Variants in NIPA1 observed in about 807,000 individuals in gnomAD.
NIPA1 encodes magnesium transporter NIPA1.
A neutral mutation model predicts 23.9 loss-of-function variants in NIPA1; 13 were observed. That is an observed-to-expected ratio of 0.54 (90% CI 0.35 to 0.87). NIPA1 has a LOEUF of 0.87. NIPA1 is among the 40% of genes least tolerant of loss of function. The pLI is 0.01. For synonymous variants in NIPA1, 234 were observed against 202.9 expected (o/e 1.15, Z -1.30); for missense variants, 362 against 429.7 (o/e 0.84, Z 1.39).
intron 1 of NIPA1, among the ~76,000 whole-genome samples, chr15:22,793,648 C>T (rs775710376): frequency 2.0e-5 from 3 of 151,964 alleles, no homozygotes; most frequent in Non-Finnish European, 4.4e-5. Flanking sequence ...ACCATGTTGG[C>T]CAGCCTGGTC....
At chr15:22,817,560 T>C (rs2140873049) in intron 3 of NIPA1, among the ~76,000 whole-genome samples, 1 of 151,060 alleles carries the variant, frequency 6.6e-6, no homozygotes, top group Non-Finnish European at 1.5e-5. Flanking sequence ...CCCAGCACTT[T>C]GGGAGGCTGA....
At chr15:22,798,038 G>T (rs1050698840) in intron 1 of NIPA1, among the ~76,000 whole-genome samples, 2 of 150,586 alleles carry the variant, frequency 1.3e-5, no homozygotes, top group Non-Finnish European at 3.0e-5. Context: ...TAGTAGAGAC[G>T]GGGTTTCACC....
intron 1 of NIPA1, among the ~76,000 whole-genome samples, chr15:22,795,449 A>T (rs959693030): frequency 6.6e-6 from 1 of 152,104 alleles, no homozygotes; most frequent in Non-Finnish European, 1.5e-5. Flanking sequence ...CTGGGCAGCC[A>T]TGCAGATGGC....
intron 1 of NIPA1, among the ~76,000 whole-genome samples, chr15:22,802,704 C>A (rs1197532318): frequency 6.6e-6 from 1 of 152,104 alleles, no homozygotes; most frequent in Non-Finnish European, 1.5e-5. Flanking sequence ...TTCCCTGGTG[C>A]CTCATCCCCC....
At chr15:22,818,932 A>G (rs1263311765) in intron 3 of NIPA1, among the ~76,000 whole-genome samples, 1 of 151,944 alleles carries the variant, frequency 6.6e-6, no homozygotes, top group Non-Finnish European at 1.5e-5. Flanking sequence ...GGCATAGTCC[A>G]CCCGTTGTCC....
intron 1 of NIPA1, among the ~76,000 whole-genome samples, chr15:22,802,906 T>C (rs2140858924): frequency 6.6e-6 from 1 of 152,292 alleles, no homozygotes; most frequent in African/African-American, 2.4e-5. Flanking sequence ...TAGTGTTGTG[T>C]TGTTTGAGTA....
rs116927303 is a variant in NIPA1 at position 22,808,606 on chromosome 15, C to T, written c.179-2143C>T. On this transcript the variant is annotated intron_variant, in intron 1 of 4. Coordinates refer to ENST00000337435, the MANE Select transcript of NIPA1 (RefSeq NM_144599.5). ...GGAGGTGACTCAGTAAATTTTCATT[C>T]GCTTGTTTTAGTATCCGTTAATGAT... Among the ~76,000 whole-genome samples, 1,458 of 151,856 alleles carry T rather than the reference C, an allele frequency of 9.6e-3. 24 individuals are homozygous for T. The highest frequency in any genetic ancestry group is 0.061 in the East Asian group (318 of 5,172).
At position 22,823,774 on chromosome 15, in the gene NIPA1, C is replaced by G. The variant is rs769522060; in HGVS notation, c.525C>G (p.Leu175=). ...TCGTGCTGCTCATGCTGCTGCTGCTCATCTTCTGGATCGCGCCGGCCCATG... is the reference window on the plus strand; with the variant it reads ...TCGTGCTGCTCATGCTGCTGCTGCTGATCTTCTGGATCGCGCCGGCCCATG... The part of the protein sequence containing the change: ...LCIVLLMLLL[L]IFWIAPAHGP... The change falls in exon 5 of 5, where the codon CTC becomes CTG. Residue 175 remains leucine, a synonymous_variant. Coordinates refer to ENST00000337435, the MANE Select transcript of NIPA1 (RefSeq NM_144599.5). 18 of 1,613,200 alleles carry G rather than the reference C, an allele frequency of 1.1e-5. No individual in the cohort carries two copies. The South Asian group carries it at 2.0e-4, about 18-fold the overall frequency.
upstream of NIPA1, chr15:22,786,574 C>T: frequency 2.5e-6 from 1 of 393,062 alleles, no homozygotes. Context: ...TCCCCTCCCC[C>T]GCCCGCGCCT....
intron 1 of NIPA1, among the ~76,000 whole-genome samples, chr15:22,789,786 T>A (rs549632629): frequency 6.6e-6 from 1 of 152,114 alleles, no homozygotes; most frequent in South Asian, 2.1e-4. Context: ...AGGCAAGGTT[T>A]AGAGCAGGAA....
intron 1 of NIPA1, among the ~76,000 whole-genome samples, chr15:22,792,637 G>C (rs561734309): frequency 6.6e-6 from 1 of 152,218 alleles, no homozygotes; most frequent in East Asian, 1.9e-4. Flanking sequence ...GGCTCCCACT[G>C]TGCCCAGCTT....
chr15:22,792,930 G>A (rs1277597103), intron 1 of NIPA1, among the ~76,000 whole-genome samples: 7 of 151,916 alleles, frequency 4.6e-5, no homozygotes, highest in African/African-American at 1.2e-4. Context: ...CTCCAGCCTC[G>A]GCAACAAGAG....
At chr15:22,799,792 A>AG (rs1026259774) in intron 1 of NIPA1, among the ~76,000 whole-genome samples, 1 of 136,300 alleles carries the variant, frequency 7.3e-6, no homozygotes, top group Admixed American at 8.1e-5. Context: ...AAAAAAAAAA[A>AG]AAAATTAGGC....
intron 1 of NIPA1, among the ~76,000 whole-genome samples, chr15:22,809,744 G>GAAAA (rs34782532): frequency 1.1e-4 from 15 of 136,120 alleles, no homozygotes; most frequent in South Asian, 2.4e-4. Context: ...GACTCTGTCT[G>GAAAA]AAAAAAAAAA....
chr15:22,809,958 G>A (rs548764007), intron 1 of NIPA1, among the ~76,000 whole-genome samples: 5 of 152,136 alleles, frequency 3.3e-5, no homozygotes, highest in South Asian at 4.2e-4. Flanking sequence ...CAGGAGAATC[G>A]CTTGAACCTG....
intron 1 of NIPA1, among the ~76,000 whole-genome samples, chr15:22,802,937 C>T (rs906121867): frequency 3.3e-5 from 5 of 151,958 alleles, no homozygotes; most frequent in Admixed American, 3.3e-4. Flanking sequence ...CATATCCATT[C>T]TCCTGTTGAT....
intron 2 of NIPA1, 66 bp downstream of exon 2, chr15:22,810,862 G>T: frequency 2.5e-6 from 3 of 1,205,750 alleles, no homozygotes; most frequent in Non-Finnish European, 3.7e-6. Context: ...GTCTGGGCAG[G>T]GCTGGAGTGG....
Position 22,818,265 on chromosome 15 carries a change from C to T in NIPA1, c.318-2048C>T, listed in dbSNP as rs547758305. ...CAGCCTGGCCAACATGGTAAAACTCCGTCTCTACTAAATACAAAAAATTAG... is the reference window on the plus strand; with the variant it reads ...CAGCCTGGCCAACATGGTAAAACTCTGTCTCTACTAAATACAAAAAATTAG... On this transcript the variant is annotated intron_variant, in intron 3 of 4. Transcript: ENST00000337435. Among the ~76,000 whole-genome samples the T allele has an allele frequency of 5.3e-5, 8 of 151,466 alleles. No homozygotes were observed. In the East Asian group the frequency reaches 1.6e-3, roughly 30 times the overall value.
intron 1 of NIPA1, among the ~76,000 whole-genome samples, chr15:22,797,391 T>C (rs1055401214): frequency 1.7e-4 from 26 of 151,824 alleles, no homozygotes; most frequent in African/African-American, 6.3e-4. Flanking sequence ...TTTTTGTACA[T>C]TGAGTAGAGA....
Sources: gnomAD v4.1 joint callset for allele counts (sites outside exome capture counted in the v4.1 genomes callset) on GRCh38, gnomAD v4.1.1 for gene constraint, MANE v1.5 for transcripts, NCBI Gene and HGNC (gene_info 2026-07-23, HGNC 2026-07-21) for gene names.